The following WWOX variants were observed in gnomAD, a reference collection of about 807,000 sequenced individuals.
WWOX encodes the protein WW domain containing oxidoreductase, also known as WW domain-containing oxidoreductase.
A neutral mutation model predicts 46.2 loss-of-function variants in WWOX; 69 were observed. That is an observed-to-expected ratio of 1.49 (90% CI 1.23 to 1.82). WWOX has a LOEUF of 1.82. Among genes scored for constraint, WWOX ranks in the 40% most tolerant of loss-of-function variants. The pLI is 0.00. For missense variants in WWOX, 919 were observed against 542.6 expected (o/e 1.69, Z -6.89); for synonymous variants, 359 against 202.6 (o/e 1.77, Z -6.56).
Position 78,295,283 on chromosome 16 carries a change from T to G in WWOX, c.517-91577T>G, listed in dbSNP as rs1229172812. ...GCTAATCAAGCTGTCTCAGATGCCA[T>G]TTTCTGGATAGGGAGGAACAGCAGT... On this transcript the variant is annotated intron_variant, in intron 5 of 8. Transcript: ENST00000566780. Among the ~76,000 whole-genome samples, 5 of 152,178 alleles carry G rather than the reference T, an allele frequency of 3.3e-5. No homozygotes were observed. The South Asian group carries it at 1.0e-3, about 31-fold the overall frequency.
At chr16:78,749,361 A>T (rs1374860703) in intron 8 of WWOX, among the ~76,000 whole-genome samples, 2 of 152,192 alleles carry the variant, frequency 1.3e-5, no homozygotes, top group African/African-American at 2.4e-5. Context: ...AAACAAAACA[A>T]TGTTTTAAAA....
chr16:78,831,959 C>T (rs1305890403), intron 8 of WWOX, among the ~76,000 whole-genome samples: 1 of 152,162 alleles, frequency 6.6e-6, no homozygotes, highest in Admixed American at 6.5e-5. Context: ...ACCTGTGTTG[C>T]TCTTGTCACT....
intron 1 of WWOX, among the ~76,000 whole-genome samples, chr16:78,102,944 C>T (rs2031893360): frequency 6.6e-6 from 1 of 152,182 alleles, no homozygotes; most frequent in Non-Finnish European, 1.5e-5. Context: ...CTTCCGGCTT[C>T]CTAAGCCCAC....
At chr16:78,618,561 G>A (rs1441383717) in intron 8 of WWOX, among the ~76,000 whole-genome samples, 1 of 152,098 alleles carries the variant, frequency 6.6e-6, no homozygotes, top group Non-Finnish European at 1.5e-5. Flanking sequence ...TCTCTTAAAA[G>A]GCTCTGTCTC....
intron 5 of WWOX, among the ~76,000 whole-genome samples, chr16:78,246,077 G>T (rs1417411716): frequency 6.6e-6 from 1 of 151,968 alleles, no homozygotes; most frequent in Non-Finnish European, 1.5e-5. Context: ...ATTCTTTTTT[G>T]CAGATCATCC....
intron 8 of WWOX, among the ~76,000 whole-genome samples, chr16:78,512,344 C>T (rs1218123872): frequency 1.3e-5 from 2 of 152,070 alleles, no homozygotes; most frequent in Non-Finnish European, 2.9e-5. Context: ...TGATAATATA[C>T]TTTTAAAAGT....
intron 8 of WWOX, among the ~76,000 whole-genome samples, chr16:78,559,356 A>G (rs1165052986): frequency 1.3e-5 from 2 of 152,224 alleles, no homozygotes; most frequent in South Asian, 2.1e-4. Flanking sequence ...GCAAGAGATC[A>G]TGGAGGCCAG....
intron 8 of WWOX, among the ~76,000 whole-genome samples, chr16:78,568,167 C>T (rs115881185): frequency 6.6e-6 from 1 of 152,108 alleles, no homozygotes; most frequent in Non-Finnish European, 1.5e-5. Flanking sequence ...ATGCCACTTT[C>T]ACCAAAAATC....
At chr16:79,094,514 A>C (rs1329250989) in intron 8 of WWOX, among the ~76,000 whole-genome samples, 1 of 152,150 alleles carries the variant, frequency 6.6e-6, no homozygotes, top group Non-Finnish European at 1.5e-5. Context: ...GGCCTCCCAA[A>C]GTGCTGGGAT....
chr16:78,138,443 AG>A (rs2033874522), intron 4 of WWOX, among the ~76,000 whole-genome samples: 1 of 136,914 alleles, frequency 7.3e-6, no homozygotes, highest in African/African-American at 2.7e-5. Flanking sequence ...CAAAAGGGAA[AG>A]GAGGACAGGA....
At chr16:79,181,703 C>A (rs1376964000) in intron 8 of WWOX, among the ~76,000 whole-genome samples, 1 of 152,100 alleles carries the variant, frequency 6.6e-6, no homozygotes, top group Non-Finnish European at 1.5e-5. Flanking sequence ...CTGCATGGCT[C>A]TTTTTCCTTC....
At chr16:79,132,614 A>C (rs1230284742) in intron 8 of WWOX, among the ~76,000 whole-genome samples, 1 of 151,958 alleles carries the variant, frequency 6.6e-6, no homozygotes, top group Non-Finnish European at 1.5e-5. Flanking sequence ...TTTTTCCCTC[A>C]AACATCGCTT....
chr16:78,468,066 A>G (rs2084124210), intron 8 of WWOX, among the ~76,000 whole-genome samples: 1 of 152,128 alleles, frequency 6.6e-6, no homozygotes, highest in Non-Finnish European at 1.5e-5. Flanking sequence ...CAAGCCACCA[A>G]TCAAAACTGA....
At chr16:78,885,717 G>C (rs184860317) in intron 8 of WWOX, among the ~76,000 whole-genome samples, 1 of 152,002 alleles carries the variant, frequency 6.6e-6, no homozygotes, top group African/African-American at 2.4e-5. Flanking sequence ...AATATCTCAC[G>C]AATGGCAGAA....
intron 8 of WWOX, among the ~76,000 whole-genome samples, chr16:78,562,592 G>T (rs1470289450): frequency 6.6e-6 from 1 of 152,134 alleles, no homozygotes; most frequent in Non-Finnish European, 1.5e-5. Context: ...ACCCTGCTGG[G>T]CCTGTCACTT....
At chr16:78,563,703 A>T (rs2044495547) in intron 8 of WWOX, among the ~76,000 whole-genome samples, 1 of 152,134 alleles carries the variant, frequency 6.6e-6, no homozygotes, top group Non-Finnish European at 1.5e-5. Flanking sequence ...CTTGTTATTA[A>T]GAACTGTCTG....
intron 8 of WWOX, among the ~76,000 whole-genome samples, chr16:78,508,969 C>G (rs548087451): frequency 6.6e-6 from 1 of 152,226 alleles, no homozygotes; most frequent in Non-Finnish European, 1.5e-5. Context: ...AGGCAAATAA[C>G]GAGATTTCGC....
chr16:78,164,250 A>C lies in WWOX; in HGVS notation c.477A>C (p.Ala159=), dbSNP rs1216818852. 1 of 1,614,004 alleles carries C rather than the reference A, an allele frequency of 6.2e-7. No individual in the cohort carries two copies. Among genetic ancestry groups the C allele is most frequent in the Non-Finnish European group, 8.5e-7 (1 of 1,180,008 alleles). Residue 159 remains alanine (A), a synonymous_variant, in exon 5 of 9, where the codon GCA becomes GCC. Transcript: ENST00000566780. ...TGATCTTGGCCTGCAGGAACATGGC[A>C]AGGGCGAGTGAAGCAGTGTCACGCA... ...AHVILACRNM[A]RASEAVSRIL...
At chr16:78,837,263 AT>A (rs2052012868) in intron 8 of WWOX, among the ~76,000 whole-genome samples, 1 of 152,154 alleles carries the variant, frequency 6.6e-6, no homozygotes, top group African/African-American at 2.4e-5. Context: ...GTTCATAGAG[AT>A]TACCTTTCAA....
Sources: gnomAD v4.1 joint callset for allele counts (sites outside exome capture counted in the v4.1 genomes callset) on GRCh38, gnomAD v4.1.1 for gene constraint, MANE v1.5 for transcripts, NCBI Gene and HGNC (gene_info 2026-07-23, HGNC 2026-07-21) for gene names.